Variants in WSCD1 observed in about 807,000 individuals in gnomAD.
WSCD1 encodes WSC domain sialate O sulfotransferase 1, also known as sialate:O-sulfotransferase 1.
In WSCD1, 41 loss-of-function variants were observed where a neutral mutation model predicts 60.4. The ratio of observed to expected loss-of-function variants is 0.68; its 90% CI spans 0.53 to 0.88. WSCD1 has a LOEUF of 0.88. WSCD1 is among the 40% of genes least tolerant of loss of function. The pLI is 0.00. For synonymous variants in WSCD1, 361 were observed against 332.5 expected (o/e 1.09, Z -0.93); for missense variants, 784 against 796.2 (o/e 0.98, Z 0.18).
rs746653739 is a variant in WSCD1 at position 6,118,202 on chromosome 17, T to C, written c.1375+14T>C. 1 of 1,613,118 alleles carries C rather than the reference T, an allele frequency of 6.2e-7. No individual in the cohort carries two copies. Among genetic ancestry groups the C allele is most frequent in the Admixed American group, 1.7e-5 (1 of 59,976 alleles). ...GGAAGAGCAAAGGTAATCAAGGACC[T>C]TGCGGTGGGGGTGGGAGGCTTGTCA... On this transcript the variant is annotated intron_variant, in intron 8 of 8. Transcript: ENST00000317744. This position sits in a 1 kb window ranked among gnomAD's most constrained non-coding sequence, Gnocchi z 5.8.
At chr17:6,089,094 T>C (rs1306698344) in intron 3 of WSCD1, among the ~76,000 whole-genome samples, 2 of 152,248 alleles carry the variant, frequency 1.3e-5, no homozygotes, top group Non-Finnish European at 2.9e-5. Flanking sequence ...ACCTTTGTTA[T>C]GTCACATAAA....
chr17:6,098,504 T>A (rs893929370), intron 5 of WSCD1, among the ~76,000 whole-genome samples: 1 of 152,208 alleles, frequency 6.6e-6, no homozygotes, highest in South Asian at 2.1e-4. Context: ...TTCCCTTCTC[T>A]GCTATGGCCG....
In WSCD1 at chr17:6,118,154, G is replaced by A. The variant is rs751601693; in HGVS notation, c.1341G>A (p.Leu447=). The part of the protein sequence containing the change: ...AEFNRKCAGH[L]GYAADRNWKS... ...TCAACAGAAAATGTGCCGGGCACCT[G>A]GGATATGCAGCTGACCGCAACTGGA... Residue 447 remains leucine, a synonymous_variant, in exon 8 of 9, where the codon CTG becomes CTA. Transcript: ENST00000317744. This position sits in a 1 kb window ranked among gnomAD's most constrained non-coding sequence, Gnocchi z 5.8. 5 of 1,614,194 alleles carry A rather than the reference G, an allele frequency of 3.1e-6. No individual in the cohort carries two copies. Among genetic ancestry groups the A allele is most frequent in the South Asian group, 1.1e-5 (1 of 91,080 alleles).
rs1255332437 is a variant in WSCD1 at position 6,096,486 on chromosome 17, A to AT, written c.849+1263_849+1264insT. ...GGACACCTCCCTTGGAGGGGGCTGG[A>AT]GGGGGCTTTCATATGTGCTTTCTTC... On this transcript the variant is annotated intron_variant, in intron 5 of 8. Coordinates refer to ENST00000317744, the MANE Select transcript of WSCD1 (RefSeq NM_015253.2). 2.0e-5 allele frequency among the ~76,000 whole-genome samples: 3 copies of AT among 152,174 alleles called. No homozygotes were observed. In the East Asian group the frequency reaches 5.8e-4, roughly 29 times the overall value.
Position 6,121,438 on chromosome 17 carries a change from C to T in WSCD1, c.*777C>T, listed in dbSNP as rs1904697837. ...CCAAGTCTGTGCACTGCCCACCACC[C>T]CCTTCAACCCCTCCTACACCATGCT... On this transcript the variant is annotated 3_prime_UTR_variant, in exon 9 of 9. Transcript: ENST00000317744. 2 of 152,406 alleles carry T rather than the reference C, an allele frequency of 1.3e-5. No individual in the cohort carries two copies. Among genetic ancestry groups the T allele is most frequent in the Admixed American group, 1.3e-4 (2 of 15,282 alleles). 9.4% of individuals were successfully genotyped at this position (152,406 alleles called of 1,614,324 possible). A position where few individuals can be genotyped will look rare whatever the true frequency, so the allele number is the denominator to read the frequency against.
At chr17:6,120,094 C>T (rs1904564094) in intron 8 of WSCD1, among the ~76,000 whole-genome samples, 1 of 152,214 alleles carries the variant, frequency 6.6e-6, no homozygotes, top group South Asian at 2.1e-4. Flanking sequence ...TGCACAGCGT[C>T]CTCATCCCAC....
At position 6,080,890 on chromosome 17, in the gene WSCD1, A is replaced by C; in HGVS notation, c.232A>C (p.Ser78Arg). 1 of 1,601,660 alleles carries C rather than the reference A, an allele frequency of 6.2e-7. No individual in the cohort carries two copies. Among genetic ancestry groups the C allele is most frequent in the Non-Finnish European group, 8.5e-7 (1 of 1,177,684 alleles). Residue 78 changes from serine to arginine, a missense_variant, in exon 2 of 9, where the codon AGC becomes CGC. Coordinates refer to ENST00000317744, the MANE Select transcript of WSCD1 (RefSeq NM_015253.2). The surrounding 1 kb of genome is among the most constrained non-coding windows in gnomAD (Gnocchi z 6.6). ...CAGAGCCCTGCACGACCCTCGAGTC[A>C]GCCCAGAGCTGCTGCTGGGTGTGGA... ...DSRALHDPRV[S>R]PELLLGVDML...
chr17:6,079,742 T>C (rs892240727), intron 1 of WSCD1, among the ~76,000 whole-genome samples: 5 of 152,178 alleles, frequency 3.3e-5, no homozygotes, highest in African/African-American at 4.8e-5. Flanking sequence ...GCTGATTGCA[T>C]GCATATATCA....
chr17:6,070,153 G>GGTGTGTGT (rs375644165), upstream of WSCD1, among the ~76,000 whole-genome samples: 300 of 142,320 alleles, frequency 2.1e-3, 2 homozygotes, highest in African/African-American at 7.2e-3. Context: ...CTGGGTGACT[G>GGTGTGTGT]GTGTGTGTGT....
chr17:6,107,401 TGAGGTAG>T (rs1203634608), intron 5 of WSCD1, among the ~76,000 whole-genome samples: 1 of 151,774 alleles, frequency 6.6e-6, no homozygotes, highest in Non-Finnish European at 1.5e-5. Flanking sequence ...TTCAGGAGGC[TGAGGTAG>T]GACAATCGCT....
intron 7 of WSCD1, among the ~76,000 whole-genome samples, chr17:6,111,420 G>C (rs184825376): frequency 6.6e-6 from 1 of 152,310 alleles, no homozygotes; most frequent in Non-Finnish European, 1.5e-5. Flanking sequence ...AAGCAAGGAG[G>C]CCAGGCGCAG....
chr17:6,085,203 G>T (rs570365994), intron 2 of WSCD1, among the ~76,000 whole-genome samples: 1 of 152,254 alleles, frequency 6.6e-6, no homozygotes, highest in Non-Finnish European at 1.5e-5. Flanking sequence ...GCCAAGCATT[G>T]TATTGTATAG....
chr17:6,105,687 C>T (rs1911047192), intron 5 of WSCD1, among the ~76,000 whole-genome samples: 1 of 152,190 alleles, frequency 6.6e-6, no homozygotes, highest in Non-Finnish European at 1.5e-5. Flanking sequence ...AGGTTCGGGT[C>T]ACTGCTGGGG....
Position 6,119,787 on chromosome 17 carries a change from C to T in WSCD1, c.1376-522C>T, listed in dbSNP as rs146515577. Among the ~76,000 whole-genome samples the T allele has an allele frequency of 5.9e-5, 9 of 152,268 alleles. No individual in the cohort carries two copies. In the East Asian group the frequency reaches 1.5e-3, roughly 26 times the overall value. Reference sequence around the variant, plus strand: ...TAGAGAAAGCAAACGCTTCAGACGGCGTTTGAGGTGTGTTAATAGCCCAAT... The same window carrying T: ...TAGAGAAAGCAAACGCTTCAGACGGTGTTTGAGGTGTGTTAATAGCCCAAT... On this transcript the variant is annotated intron_variant, in intron 8 of 8. Transcript: ENST00000317744.
intron 5 of WSCD1, among the ~76,000 whole-genome samples, chr17:6,104,923 C>G (rs765073087): frequency 6.6e-6 from 1 of 152,176 alleles, no homozygotes; most frequent in East Asian, 1.9e-4. Context: ...TCTGTGATCC[C>G]TGAAATCTCT....
In WSCD1 at chr17:6,093,381, G is replaced by A. The variant is rs192466229; in HGVS notation, c.728-1721G>A. ...AGGGCTTGGTGTGGGGAACACAGGG[G>A]TCACCCAGGATGTAGCTTCCCCCCA... On this transcript the variant is annotated intron_variant, in intron 4 of 8. Coordinates refer to ENST00000317744, the MANE Select transcript of WSCD1 (RefSeq NM_015253.2). 2.0e-5 allele frequency among the ~76,000 whole-genome samples: 3 copies of A among 152,318 alleles called. No homozygotes were observed. The East Asian group carries it at 5.8e-4, about 29-fold the overall frequency.
chr17:6,120,738 A>C lies in WSCD1; in HGVS notation c.*77A>C. ...GGCTGCGCTCCCCACTCTGATGCTC[A>C]GGCCCGTGGCCTCACTGGGACGAAC... On this transcript the variant is annotated 3_prime_UTR_variant, in exon 9 of 9. Coordinates refer to ENST00000317744, the MANE Select transcript of WSCD1 (RefSeq NM_015253.2). 4 of 1,476,156 alleles carry C rather than the reference A, an allele frequency of 2.7e-6. No homozygotes were observed. Among genetic ancestry groups the C allele is most frequent in the Non-Finnish European group, 3.7e-6 (4 of 1,094,876 alleles). 91.4% of individuals were successfully genotyped at this position (1,476,156 alleles called of 1,614,324 possible). A position where few individuals can be genotyped will look rare whatever the true frequency, so the allele number is the denominator to read the frequency against.
chr17:6,120,515 T>C lies in WSCD1; in HGVS notation c.1582T>C (p.Phe528Leu). 6.2e-7 allele frequency: 1 copy of C among 1,613,786 alleles called. No individual in the cohort carries two copies. Among genetic ancestry groups the C allele is most frequent in the Non-Finnish European group, 8.5e-7 (1 of 1,179,984 alleles). The change falls in exon 9 of 9, where the codon TTC becomes CTC. Residue 528 changes from phenylalanine to leucine, a missense_variant. Transcript: ENST00000317744. The stretch of plus-strand genomic sequence containing the variant: ...CGTGGAGAACAACAAGGAGGGCAGC[T>C]TCCGGCGGCGCGGCCGGCGCTCCCA... ...LCVENNKEGS[F>L]RRRGRRSHDP...
At chr17:6,116,348 C>A (rs1450412881) in intron 7 of WSCD1, among the ~76,000 whole-genome samples, 1 of 152,100 alleles carries the variant, frequency 6.6e-6, no homozygotes, top group Non-Finnish European at 1.5e-5. Context: ...CATCTTTGAG[C>A]CTTACAAGAC....
Sources: allele counts gnomAD v4.1 joint callset (sites outside exome capture counted in the v4.1 genomes callset), GRCh38; gene constraint gnomAD v4.1.1; non-coding constraint Gnocchi (gnomAD v3.1); transcripts MANE v1.5; gene names NCBI Gene and HGNC (gene_info 2026-07-23, HGNC 2026-07-21).